ROBO2: variants seen among roughly 807,000 people sequenced by gnomAD.
ROBO2 encodes the protein roundabout homolog 2.
Under a neutral mutation model 160.8 loss-of-function variants are expected in ROBO2, and 53 were observed. That is an observed-to-expected ratio of 0.33 (90% CI 0.26 to 0.41). The LOEUF (loss-of-function observed/expected upper bound fraction) is 0.41. ROBO2 is among the 10% of genes least tolerant of loss of function. ROBO2 has a pLI of 1.00. For missense variants in ROBO2, 1,577 were observed against 1,722.4 expected, an observed-to-expected ratio of 0.92 and a Z score of 1.49; for synonymous variants, 664 against 611.7, an observed-to-expected ratio of 1.09 and a Z score of -1.26.
chr3:77,599,242 A>ATAGG (rs373432458), intron 19 of ROBO2, among the ~76,000 whole-genome samples: 1 of 26,474 alleles, frequency 3.8e-5, no homozygotes, highest in Non-Finnish European at 8.2e-5. Flanking sequence ...AATATATGAA[A>ATAGG]TAGTCATATT....
At chr3:77,130,569 C>A (rs865970902) in intron 2 of ROBO2, among the ~76,000 whole-genome samples, 16 of 152,144 alleles carry the variant, frequency 1.1e-4, no homozygotes, top group African/African-American at 2.9e-4. Context: ...TATGTTTGCA[C>A]CAACCTGATA....
At chr3:76,912,807 T>A (rs1035136617) in intron 2 of ROBO2, among the ~76,000 whole-genome samples, 1 of 151,548 alleles carries the variant, frequency 6.6e-6, no homozygotes, top group Admixed American at 6.6e-5. Flanking sequence ...ACAAAAAGTA[T>A]TAGGTTTTTG....
intron 2 of ROBO2, among the ~76,000 whole-genome samples, chr3:76,901,316 G>A (rs554533933): frequency 4.5e-4 from 68 of 151,758 alleles, no homozygotes; most frequent in Admixed American, 9.2e-4. Flanking sequence ...CAAGAATTTC[G>A]AAATGTTTTA....
intron 2 of ROBO2, among the ~76,000 whole-genome samples, chr3:77,378,666 A>G (rs1422049610): frequency 6.6e-6 from 1 of 152,190 alleles, no homozygotes. Flanking sequence ...TTGATATATA[A>G]ATATAGGTAA....
At chr3:75,911,552 CTTTTTT>C (rs56787695) in intron 1 of ROBO2, among the ~76,000 whole-genome samples, 6 of 83,548 alleles carry the variant, frequency 7.2e-5, no homozygotes, top group African/African-American at 2.4e-4. Context: ...AGCCTTGTTT[CTTTTTT>C]TTTTTTTTTT....
intron 2 of ROBO2, among the ~76,000 whole-genome samples, chr3:76,955,078 G>A (rs965905787): frequency 1.3e-5 from 2 of 151,992 alleles, no homozygotes; most frequent in Non-Finnish European, 2.9e-5. Flanking sequence ...CTGTCTTTAC[G>A]AATTTGACTA....
At chr3:76,995,353 A>G (rs977089958) in intron 2 of ROBO2, among the ~76,000 whole-genome samples, 2 of 152,132 alleles carry the variant, frequency 1.3e-5, no homozygotes, top group Non-Finnish European at 2.9e-5. Flanking sequence ...TCTATCATTG[A>G]TGGACATTTG....
intron 2 of ROBO2, among the ~76,000 whole-genome samples, chr3:76,931,027 G>A (rs1207975274): frequency 6.6e-6 from 1 of 152,204 alleles, no homozygotes; most frequent in African/African-American, 2.4e-5. Context: ...CTCTGTGAGA[G>A]TTGGAATTTT....
At chr3:76,100,220 T>C (rs771269127) in intron 2 of ROBO2, among the ~76,000 whole-genome samples, 1 of 152,232 alleles carries the variant, frequency 6.6e-6, no homozygotes, top group Non-Finnish European at 1.5e-5. Context: ...TCTTGATTTA[T>C]TTAGGGATGC....
chr3:75,951,880 C>A (rs1466959185), intron 2 of ROBO2, among the ~76,000 whole-genome samples: 1 of 151,886 alleles, frequency 6.6e-6, no homozygotes, highest in Non-Finnish European at 1.5e-5. Flanking sequence ...GTACATTTTG[C>A]TTATTCTCAG....
intron 2 of ROBO2, among the ~76,000 whole-genome samples, chr3:76,371,435 C>A (rs2076094420): frequency 6.6e-6 from 1 of 151,716 alleles, no homozygotes. Context: ...TAAAGATTAG[C>A]TGCATATCAA....
chr3:77,035,855 T>C (rs1050339968), upstream of ROBO2, among the ~76,000 whole-genome samples: 8 of 151,976 alleles, frequency 5.3e-5, no homozygotes, highest in African/African-American at 1.4e-4. Context: ...CTTTTGTAGA[T>C]AATAACACAT....
intron 2 of ROBO2, among the ~76,000 whole-genome samples, chr3:77,220,494 AT>A (rs368574505): frequency 3.9e-5 from 6 of 152,046 alleles, no homozygotes; most frequent in African/African-American, 1.4e-4. Context: ...TATATATGTC[AT>A]TTTTTATACG....
At chr3:76,204,394 C>CT (rs1416930600) in intron 2 of ROBO2, among the ~76,000 whole-genome samples, 5 of 152,096 alleles carry the variant, frequency 3.3e-5, no homozygotes, top group Admixed American at 3.3e-4. Context: ...ATACCATTAA[C>CT]TTACAGGTTT....
intron 2 of ROBO2, among the ~76,000 whole-genome samples, chr3:76,397,471 A>T (rs1278193821): frequency 2.0e-5 from 3 of 152,138 alleles, no homozygotes; most frequent in Non-Finnish European, 4.4e-5. Flanking sequence ...AAAATTGACA[A>T]ATGGGATCTA....
intron 2 of ROBO2, among the ~76,000 whole-genome samples, chr3:77,357,578 T>C (rs1470752019): frequency 6.6e-6 from 1 of 152,204 alleles, no homozygotes; most frequent in Non-Finnish European, 1.5e-5. Flanking sequence ...AGACAGCCTG[T>C]ATCATAGATG....
At chr3:76,955,860 G>A (rs1475458915) in intron 2 of ROBO2, among the ~76,000 whole-genome samples, 2 of 149,876 alleles carry the variant, frequency 1.3e-5, no homozygotes, top group African/African-American at 2.5e-5. Flanking sequence ...CCCGGGAGGC[G>A]GAGACAGGTG....
intron 2 of ROBO2, among the ~76,000 whole-genome samples, chr3:76,135,121 T>G (rs917948106): frequency 2.6e-5 from 4 of 151,388 alleles, no homozygotes; most frequent in Non-Finnish European, 5.9e-5. Context: ...CAAGAAGGAG[T>G]GTGTGGGGCA....
At chr3:76,693,433 A>T (rs1473163893) in intron 2 of ROBO2, among the ~76,000 whole-genome samples, 3 of 142,476 alleles carry the variant, frequency 2.1e-5, no homozygotes, top group African/African-American at 8.7e-5. Flanking sequence ...ATATAGATAC[A>T]CACTCTATAT....
Sources: allele counts gnomAD v4.1 joint callset (sites outside exome capture counted in the v4.1 genomes callset), GRCh38; gene constraint gnomAD v4.1.1; transcripts MANE v1.5; gene names NCBI Gene and HGNC (gene_info 2026-07-23, HGNC 2026-07-21).